RANBP2: variants seen among roughly 807,000 people sequenced by gnomAD.
RANBP2 encodes the protein RAN binding protein 2.
RANBP2 carries 57 observed loss-of-function variants against 303.6 expected under a neutral mutation model. The ratio of observed to expected loss-of-function variants is 0.19; its 90% CI spans 0.15 to 0.23. The LOEUF (loss-of-function observed/expected upper bound fraction) is 0.23, where lower values mean the gene tolerates loss of function less well. RANBP2 is among the 10% of genes least tolerant of loss of function. The pLI is 1.00. For synonymous variants in RANBP2, 1,167 were observed against 1,301.5 expected (o/e 0.90, Z 2.23); for missense variants, 3,138 against 3,780.8 (o/e 0.83, Z 4.46).
At chr2:109,520,280 G>A in the RANBP2 span, among the ~76,000 whole-genome samples, 1 of 152,156 alleles carries the variant, frequency 6.6e-6, no homozygotes, top group South Asian at 2.1e-4. Flanking sequence ...AGATAATAAA[G>A]GTGGGTGGGA....
At chr2:108,994,705 G>A in the RANBP2 span, among the ~76,000 whole-genome samples, 6 of 151,582 alleles carry the variant, frequency 4.0e-5, no homozygotes, top group African/African-American at 1.5e-4. Flanking sequence ...ATGGGGTCAT[G>A]GGATTATCAT....
At chr2:109,061,999 G>C in the RANBP2 span, among the ~76,000 whole-genome samples, 1 of 152,122 alleles carries the variant, frequency 6.6e-6, no homozygotes, top group Non-Finnish European at 1.5e-5. Flanking sequence ...CAGCCCTCCT[G>C]TCATCCTCAC....
chr2:109,421,658 C>G, the RANBP2 span, among the ~76,000 whole-genome samples: 2 of 152,170 alleles, frequency 1.3e-5, no homozygotes, highest in Admixed American at 6.5e-5. Flanking sequence ...CTGGGCTTCT[C>G]CCCCAGGGGA....
At chr2:108,900,647 CAGTTAT>C in the RANBP2 span, among the ~76,000 whole-genome samples, 1 of 151,666 alleles carries the variant, frequency 6.6e-6, no homozygotes, top group Non-Finnish European at 1.5e-5. Context: ...AAAATTTTCC[CAGTTAT>C]ATGCTGCCTA....
chr2:109,450,679 G>C, the RANBP2 span, among the ~76,000 whole-genome samples: 6 of 152,034 alleles, frequency 3.9e-5, no homozygotes, highest in African/African-American at 1.4e-4. Context: ...TTTACGTGAA[G>C]TTTTTGGAAG....
chr2:109,312,236 G>T, the RANBP2 span, among the ~76,000 whole-genome samples: 184 of 152,190 alleles, frequency 1.2e-3, no homozygotes, highest in African/African-American at 4.1e-3. Flanking sequence ...AAGGCCAGAG[G>T]GACAAATGTA....
intron 23 of RANBP2, among the ~76,000 whole-genome samples, chr2:108,773,954 C>T (rs1411371395): frequency 1.3e-5 from 2 of 152,132 alleles, no homozygotes; most frequent in Non-Finnish European, 2.9e-5. Context: ...GCCAGGAATT[C>T]TTTATGGATG....
chr2:108,970,300 G>A, the RANBP2 span, among the ~76,000 whole-genome samples: 1 of 152,170 alleles, frequency 6.6e-6, no homozygotes, highest in Non-Finnish European at 1.5e-5. Context: ...GACATGAGAT[G>A]TTTGGAGTCA....
At chr2:108,745,117 C>G (rs889235057) in intron 7 of RANBP2, among the ~76,000 whole-genome samples, 31 of 142,390 alleles carry the variant, frequency 2.2e-4, no homozygotes, top group Admixed American at 2.0e-3. Context: ...CTGGCTTTTA[C>G]TTTTTTTTTT....
the RANBP2 span, among the ~76,000 whole-genome samples, chr2:109,320,287 G>A: frequency 6.6e-6 from 1 of 152,186 alleles, no homozygotes; most frequent in African/African-American, 2.4e-5. Flanking sequence ...TTTCCTTCCT[G>A]TTCTCTGCAC....
intron 1 of RANBP2, among the ~76,000 whole-genome samples, chr2:108,728,218 T>G (rs1351949711): frequency 6.6e-6 from 1 of 152,184 alleles, no homozygotes; most frequent in Non-Finnish European, 1.5e-5. Context: ...ACCACAGGGT[T>G]TCCAAGATTT....
chr2:109,576,149 T>C, the RANBP2 span, among the ~76,000 whole-genome samples: 9 of 152,194 alleles, frequency 5.9e-5, no homozygotes, highest in Admixed American at 3.9e-4. Context: ...TAGTCCTAGC[T>C]ACTTGAGAGG....
the RANBP2 span, among the ~76,000 whole-genome samples, chr2:109,097,081 G>C: frequency 2.0e-5 from 3 of 152,046 alleles, no homozygotes; most frequent in Non-Finnish European, 2.9e-5. Context: ...CGAGGTGGGC[G>C]GATCATGAGG....
chr2:109,089,514 G>A, the RANBP2 span, among the ~76,000 whole-genome samples: 4 of 152,206 alleles, frequency 2.6e-5, no homozygotes, highest in South Asian at 2.1e-4. Flanking sequence ...GCTGAGATGC[G>A]AGGATTGCTT....
At chr2:109,332,701 C>T in the RANBP2 span, among the ~76,000 whole-genome samples, 10 of 152,178 alleles carry the variant, frequency 6.6e-5, no homozygotes, top group Admixed American at 2.0e-4. Context: ...CTGAGTGATT[C>T]CTGCCGAGCT....
chr2:109,131,138 G>A, the RANBP2 span, among the ~76,000 whole-genome samples: 1 of 152,160 alleles, frequency 6.6e-6, no homozygotes, highest in African/African-American at 2.4e-5. Flanking sequence ...TGAAATGCTG[G>A]GAACATTCTA....
the RANBP2 span, among the ~76,000 whole-genome samples, chr2:109,491,584 G>C: frequency 0.043 from 6,498 of 152,236 alleles, 191 homozygotes; most frequent in Non-Finnish European, 0.066. Flanking sequence ...GCTGTGGGCT[G>C]TGGGGCTGCA....
the RANBP2 span, among the ~76,000 whole-genome samples, chr2:109,248,930 C>T: frequency 2.4e-5 from 3 of 125,644 alleles, no homozygotes; most frequent in Non-Finnish European, 5.0e-5. Flanking sequence ...CTGTCCTGTC[C>T]TGTCTTGCTC....
the RANBP2 span, chr2:109,737,347 C>G: frequency 1.4e-6 from 1 of 689,876 alleles, no homozygotes; most frequent in Non-Finnish European, 2.6e-6. Context: ...GGTCACCACC[C>G]CTTCGCCAAG....
Sources: allele counts gnomAD v4.1 joint callset (sites outside exome capture counted in the v4.1 genomes callset), GRCh38; gene constraint gnomAD v4.1.1; transcripts MANE v1.5; gene names NCBI Gene and HGNC (gene_info 2026-07-23, HGNC 2026-07-21).